PDGFC: variants seen among roughly 807,000 people sequenced by gnomAD.
The protein encoded by PDGFC is platelet derived growth factor C.
A neutral mutation model predicts 35.5 loss-of-function variants in PDGFC; 12 were observed. That is an observed-to-expected ratio of 0.34 (90% CI 0.22 to 0.55). The LOEUF (loss-of-function observed/expected upper bound fraction) is 0.55. Ranked by LOEUF, PDGFC falls within the 20% of genes least tolerant of loss-of-function variation. The pLI is 0.91. For missense variants in PDGFC, 322 were observed against 412.4 expected (o/e 0.78, Z 1.90); for synonymous variants, 159 against 148.8 (o/e 1.07, Z -0.50).
chr4:156,915,572 C>T (rs1186338107), intron 1 of PDGFC, among the ~76,000 whole-genome samples: 2 of 152,170 alleles, frequency 1.3e-5, no homozygotes, highest in Admixed American at 6.5e-5. Context: ...ACAGGCTGAT[C>T]ACCTGAGATC....
chr4:156,828,756 A>T (rs1728854732), intron 2 of PDGFC, among the ~76,000 whole-genome samples: 1 of 152,142 alleles, frequency 6.6e-6, no homozygotes, highest in South Asian at 2.1e-4. Context: ...TCATTTATAT[A>T]TTACTTCCTA....
chr4:156,861,512 A>C (rs1355195447), intron 1 of PDGFC: 78 of 1,072,420 alleles, frequency 7.3e-5, no homozygotes, highest in Non-Finnish European at 9.6e-5. Flanking sequence ...GGAGATAGTA[A>C]AATTGAGTCT....
chr4:156,941,140 A>T (rs1387242928), intron 1 of PDGFC, among the ~76,000 whole-genome samples: 1 of 152,158 alleles, frequency 6.6e-6, no homozygotes, highest in Non-Finnish European at 1.5e-5. Context: ...GTATTTGTAA[A>T]CTAAATTGTG....
At chr4:156,924,416 G>A (rs6811767) in intron 1 of PDGFC, among the ~76,000 whole-genome samples, 14,437 of 151,924 alleles carry the variant, frequency 0.095, 2,059 homozygotes, top group African/African-American at 0.31. Flanking sequence ...ATTCAGTGGG[G>A]AAAAAAATGT....
At chr4:156,764,628 T>C (rs1002523237) in intron 5 of PDGFC, among the ~76,000 whole-genome samples, 3 of 152,194 alleles carry the variant, frequency 2.0e-5, no homozygotes, top group Non-Finnish European at 4.4e-5. Flanking sequence ...AATTCTAAAC[T>C]TTTAAAGTAG....
At chr4:156,832,799 G>A (rs753319051) in intron 2 of PDGFC, among the ~76,000 whole-genome samples, 1 of 152,146 alleles carries the variant, frequency 6.6e-6, no homozygotes. Context: ...CCAATATGTC[G>A]GTCTGCAGGG....
At chr4:156,838,464 A>T (rs1187851320) in intron 2 of PDGFC, among the ~76,000 whole-genome samples, 1 of 152,224 alleles carries the variant, frequency 6.6e-6, no homozygotes, top group Non-Finnish European at 1.5e-5. Context: ...TGTCTCTTTC[A>T]AAGATCATTT....
intron 1 of PDGFC, among the ~76,000 whole-genome samples, chr4:156,895,351 T>C (rs1299487768): frequency 2.0e-5 from 3 of 152,116 alleles, no homozygotes. Context: ...TGAGTGGGTG[T>C]CAGCTGGGAG....
At chr4:156,764,446 G>T (rs190249326) in intron 5 of PDGFC, among the ~76,000 whole-genome samples, 1 of 152,124 alleles carries the variant, frequency 6.6e-6, no homozygotes, top group Non-Finnish European at 1.5e-5. Flanking sequence ...GTGAACAGAG[G>T]CTTAGACAGA....
chr4:156,861,349 T>C, intron 1 of PDGFC: 1 of 459,896 alleles, frequency 2.2e-6, no homozygotes. Context: ...TGTATCAAGC[T>C]TAATTACATG....
chr4:156,781,574 C>G (rs1344054143), intron 3 of PDGFC, among the ~76,000 whole-genome samples: 1 of 152,152 alleles, frequency 6.6e-6, no homozygotes, highest in East Asian at 1.9e-4. Context: ...AGTATGCCTC[C>G]TGCAACCTGC....
chr4:156,803,739 A>G (rs1731679764), intron 3 of PDGFC, among the ~76,000 whole-genome samples: 1 of 152,154 alleles, frequency 6.6e-6, no homozygotes, highest in African/African-American at 2.4e-5. Flanking sequence ...ACAAAATTAA[A>G]ATTAAATGTA....
intron 3 of PDGFC, among the ~76,000 whole-genome samples, chr4:156,786,812 A>G (rs552261855): frequency 6.6e-6 from 1 of 152,294 alleles, no homozygotes; most frequent in Admixed American, 6.5e-5. Context: ...TCATTTGTTC[A>G]CTTTGGCAAC....
intron 2 of PDGFC, among the ~76,000 whole-genome samples, chr4:156,823,632 C>T (rs1732332311): frequency 6.6e-6 from 1 of 152,104 alleles, no homozygotes; most frequent in South Asian, 2.1e-4. Context: ...GTGAGCATTG[C>T]TGGTGGGAAT....
At chr4:156,918,139 A>G (rs1284546537) in intron 1 of PDGFC, among the ~76,000 whole-genome samples, 1 of 152,172 alleles carries the variant, frequency 6.6e-6, no homozygotes, top group Non-Finnish European at 1.5e-5. Context: ...AATACATGTC[A>G]TTATATTTTT....
At chr4:156,883,015 C>T (rs554148734) in intron 1 of PDGFC, among the ~76,000 whole-genome samples, 44 of 150,218 alleles carry the variant, frequency 2.9e-4, no homozygotes, top group Middle Eastern at 3.4e-3. Context: ...ACCTGGGAGG[C>T]GGAGCTTGCA....
chr4:156,934,048 C>A (rs576528419), intron 1 of PDGFC, among the ~76,000 whole-genome samples: 1 of 152,294 alleles, frequency 6.6e-6, no homozygotes, highest in East Asian at 1.9e-4. Flanking sequence ...GTTAGATAAG[C>A]TTCCTTCAGG....
In PDGFC at chr4:156,882,170, A is replaced by G. The variant is rs539357094; in HGVS notation, c.119-31754T>C. Among the ~76,000 whole-genome samples the G allele has an allele frequency of 7.2e-5, 11 of 152,278 alleles. No homozygotes were observed. In the East Asian group the frequency reaches 2.1e-3, roughly 29 times the overall value. On this transcript the variant is annotated intron_variant, in intron 1 of 5. Transcript: ENST00000502773. ...CTGCTATTTCATTATTCCGCAACTA[A>G]AACAATACATTGTTAAGAAAATCAA...
rs1450745546 is a variant in PDGFC, at chr4:156,971,625, TG to T, written c.-723del. ...GCAGCACGGATTCCGGCACCTGGCTTGAGTTTTCCGCGACCAAAGTTCACCT... is the reference window on the plus strand; with the variant it reads ...GCAGCACGGATTCCGGCACCTGGCTTAGTTTTCCGCGACCAAAGTTCACCT... On this transcript the variant is annotated 5_prime_UTR_variant, in exon 1 of 6. Coordinates refer to ENST00000502773, the MANE Select transcript of PDGFC (RefSeq NM_016205.3). Among the ~76,000 whole-genome samples the T allele has an allele frequency of 6.6e-6, 1 of 151,422 alleles. No individual in the cohort carries two copies. Among genetic ancestry groups the T allele is most frequent in the Non-Finnish European group, 1.5e-5 (1 of 67,798 alleles).
Sources: gnomAD v4.1 joint callset for allele counts (sites outside exome capture counted in the v4.1 genomes callset) on GRCh38, gnomAD v4.1.1 for gene constraint, MANE v1.5 for transcripts, NCBI Gene and HGNC (gene_info 2026-07-23, HGNC 2026-07-21) for gene names.